Variants in ACAD9 observed in about 807,000 individuals in gnomAD.
ACAD9 encodes the protein complex I assembly factor ACAD9, mitochondrial.
ACAD9 carries 53 observed loss-of-function variants against 70.2 expected under a neutral mutation model. That is an observed-to-expected ratio of 0.75 (90% CI 0.61 to 0.95). ACAD9 has a LOEUF of 0.95. Ranked by LOEUF, ACAD9 falls within the 40% of genes least tolerant of loss-of-function variation. The pLI, the probability that ACAD9 is intolerant of heterozygous loss-of-function variation, is 0.00. For missense variants in ACAD9, 777 were observed against 802.8 expected, an observed-to-expected ratio of 0.97 and a Z score of 0.39; for synonymous variants, 313 against 312.1, an observed-to-expected ratio of 1.00 and a Z score of -0.03.
At chr3:128,909,939 G>A in intron 15 of ACAD9, 82 bp from the exon 16 acceptor site, 1 of 1,579,176 alleles carries the variant, frequency 6.3e-7, no homozygotes, top group Non-Finnish European at 8.6e-7. Context: ...GACTAAGACA[G>A]GCAAAGATGC....
chr3:128,896,064 C>T (rs966938657), intron 4 of ACAD9, among the ~76,000 whole-genome samples: 5 of 152,218 alleles, frequency 3.3e-5, no homozygotes, highest in Non-Finnish European at 7.3e-5. Context: ...CTTCACATTG[C>T]ATCATCCAGA....
intron 1 of ACAD9, among the ~76,000 whole-genome samples, chr3:128,883,547 G>T (rs1013945902): frequency 1.3e-5 from 2 of 151,956 alleles, no homozygotes; most frequent in African/African-American, 4.8e-5. Flanking sequence ...TAGTAGAAAC[G>T]GGGTTTCACC....
chr3:128,912,122 T>G (rs896224462), intron 17 of ACAD9, among the ~76,000 whole-genome samples: 1 of 152,170 alleles, frequency 6.6e-6, no homozygotes, highest in African/African-American at 2.4e-5. Flanking sequence ...TGGCATATGA[T>G]TTTTTGCAGG....
At chr3:128,904,035 C>T in intron 9 of ACAD9, 27 bp from the exon 10 acceptor site, 5 of 1,610,116 alleles carry the variant, frequency 3.1e-6, no homozygotes, top group Non-Finnish European at 4.3e-6. Context: ...TATTCCAGTT[C>T]ATTCTAATAA....
At chr3:128,909,900 T>C in intron 15 of ACAD9, 121 bp from the exon 16 acceptor site, 7 of 1,382,516 alleles carry the variant, frequency 5.1e-6, no homozygotes, top group East Asian at 2.4e-5. Flanking sequence ...AAAGGTGTTA[T>C]TGACTCCACT....
intron 17 of ACAD9, among the ~76,000 whole-genome samples, chr3:128,911,928 C>T (rs1215283999): frequency 2.0e-5 from 3 of 152,314 alleles, no homozygotes; most frequent in East Asian, 1.9e-4. Flanking sequence ...TCGTGCTCCC[C>T]GCTCTGTCTG....
rs959659936 is a variant in ACAD9 at position 128,892,194 on chromosome 3, C to G, written c.245-1361C>G. 2.6e-5 allele frequency among the ~76,000 whole-genome samples: 4 copies of G among 152,190 alleles called. No individual in the cohort carries two copies. In the South Asian group the frequency reaches 8.3e-4, roughly 32 times the overall value. ...GGTGAAAAAGGAAATGTTTTTATCTCGATTGTCATGTTTTCACTGACAAAT... is the reference window on the plus strand; with the variant it reads ...GGTGAAAAAGGAAATGTTTTTATCTGGATTGTCATGTTTTCACTGACAAAT... On this transcript the variant is annotated intron_variant, in intron 2 of 17. Coordinates refer to ENST00000308982, the MANE Select transcript of ACAD9 (RefSeq NM_014049.5).
At chr3:128,895,197 T>A (rs1444352348) in intron 3 of ACAD9, 113 bp from the exon 4 acceptor site, 38 of 839,322 alleles carry the variant, frequency 4.5e-5, no homozygotes, top group Non-Finnish European at 6.6e-5. Context: ...TTTTTTTTTT[T>A]AATATGGTGA....
intron 4 of ACAD9, 123 bp from the exon 5 acceptor site, chr3:128,896,313 T>C: frequency 9.2e-7 from 1 of 1,088,440 alleles, no homozygotes; most frequent in Non-Finnish European, 1.4e-6. Flanking sequence ...CCGCTTGCTC[T>C]GAGTTCTTGC....
chr3:128,881,177 G>C (rs960038048), intron 1 of ACAD9, among the ~76,000 whole-genome samples: 29 of 152,212 alleles, frequency 1.9e-4, no homozygotes, highest in Non-Finnish European at 2.8e-4. Flanking sequence ...GCTATGTCTT[G>C]AACATATTGG....
chr3:128,881,725 A>G (rs1401800322), intron 1 of ACAD9, among the ~76,000 whole-genome samples: 1 of 152,086 alleles, frequency 6.6e-6, no homozygotes, highest in Non-Finnish European at 1.5e-5. Context: ...CTGTTGACGC[A>G]CTTTCGTCTC....
intron 7 of ACAD9, among the ~76,000 whole-genome samples, chr3:128,900,477 A>G (rs1321254406): frequency 6.7e-6 from 1 of 149,726 alleles, no homozygotes; most frequent in Non-Finnish European, 1.5e-5. Flanking sequence ...TGACCTCGTG[A>G]TCCGCTCACC....
chr3:128,910,821 G>A lies in ACAD9; in HGVS notation c.1765+8G>A, dbSNP rs2107666780. On this transcript the variant is annotated splice_region_variant and intron_variant, in intron 17 of 17. Transcript: ENST00000308982. ...TCTCTCAGCTGGACAAGTGTGAGTG[G>A]CATGTCTTGGGGGAGGGAAGGAAGG... The A allele has an allele frequency of 6.2e-7, 1 of 1,614,076 alleles. No homozygotes were observed. The highest frequency in any genetic ancestry group is 8.5e-7 in the Non-Finnish European group (1 of 1,179,954).
chr3:128,892,424 G>A (rs1392839867), intron 2 of ACAD9, among the ~76,000 whole-genome samples: 3 of 152,210 alleles, frequency 2.0e-5, no homozygotes, highest in Non-Finnish European at 4.4e-5. Context: ...TACTGATGAA[G>A]TTTAATTAGC....
At chr3:128,910,335 T>C in intron 16 of ACAD9, 186 bp downstream of exon 16, 1 of 1,474,752 alleles carries the variant, frequency 6.8e-7, no homozygotes, top group Non-Finnish European at 9.0e-7. Context: ...TCTTCCTGAC[T>C]GAGAGAAGAG....
intron 2 of ACAD9, among the ~76,000 whole-genome samples, chr3:128,892,225 AG>A (rs1935441468): frequency 3.9e-5 from 6 of 152,244 alleles, no homozygotes; most frequent in Non-Finnish European, 7.3e-5. Flanking sequence ...CAAATATGTC[AG>A]AACTCAACAA....
chr3:128,903,973 G>A (rs752347784), intron 9 of ACAD9, 89 bp from the exon 10 acceptor site: 126 of 1,400,784 alleles, frequency 9.0e-5, no homozygotes, highest in Non-Finnish European at 1.2e-4. Context: ...GTGCCCACCT[G>A]TGGGAAGGGT....
At chr3:128,899,681 T>C (rs1935681731) in intron 7 of ACAD9, among the ~76,000 whole-genome samples, 1 of 152,246 alleles carries the variant, frequency 6.6e-6, no homozygotes, top group Admixed American at 6.5e-5. Flanking sequence ...TTGGGCTTTG[T>C]CTTTGTTCCT....
Position 128,894,531 on chromosome 3 carries a change from A to C in ACAD9, c.347-779A>C, listed in dbSNP as rs543547609. Among the ~76,000 whole-genome samples the C allele has an allele frequency of 5.3e-3, 778 of 146,612 alleles. 7 individuals are homozygous for C. The highest frequency in any genetic ancestry group is 5.9e-3 in the Non-Finnish European group (396 of 66,880). On this transcript the variant is annotated intron_variant, in intron 3 of 17. Coordinates refer to ENST00000308982, the MANE Select transcript of ACAD9 (RefSeq NM_014049.5). ...GCGCTTTCTGAGGCACAAGATTGCG[A>C]GCTTTTTTTTTTTTTTTTTTTGAGA...
Sources: allele counts gnomAD v4.1 joint callset (sites outside exome capture counted in the v4.1 genomes callset), GRCh38; gene constraint gnomAD v4.1.1; transcripts MANE v1.5; gene names NCBI Gene and HGNC (gene_info 2026-07-23, HGNC 2026-07-21).